Variants in LDLRAD4 observed in about 807,000 individuals in gnomAD.
LDLRAD4 encodes the protein low-density lipoprotein receptor class A domain-containing protein 4.
In LDLRAD4, 5 loss-of-function variants were observed where a neutral mutation model predicts 17.0. That is an observed-to-expected ratio of 0.29 (90% CI 0.15 to 0.62). The LOEUF (loss-of-function observed/expected upper bound fraction) is 0.62, where lower values mean the gene tolerates loss of function less well. Ranked by LOEUF, LDLRAD4 falls within the 20% of genes least tolerant of loss-of-function variation. The pLI is 0.84. For synonymous variants in LDLRAD4, 168 were observed against 171.8 expected (o/e 0.98, Z 0.17); for missense variants, 340 against 424.7 (o/e 0.80, Z 1.75).
At chr18:13,342,371 C>G (rs2082418230) in intron 1 of LDLRAD4, among the ~76,000 whole-genome samples, 1 of 150,492 alleles carries the variant, frequency 6.6e-6, no homozygotes, top group Admixed American at 6.6e-5. Context: ...CTTGGTTTTT[C>G]TTTCATAGGA....
chr18:13,501,584 CTT>C (rs11324432), intron 3 of LDLRAD4, among the ~76,000 whole-genome samples: 16 of 147,842 alleles, frequency 1.1e-4, no homozygotes, highest in South Asian at 2.2e-4. Context: ...AATTGTGTTG[CTT>C]TTTTTTTTTG....
At chr18:13,230,865 A>G (rs2145499328) in intron 1 of LDLRAD4, among the ~76,000 whole-genome samples, 1 of 152,360 alleles carries the variant, frequency 6.6e-6, no homozygotes, top group East Asian at 1.9e-4. Context: ...TGAACCCTCC[A>G]GGGCGAATCC....
intron 3 of LDLRAD4, among the ~76,000 whole-genome samples, chr18:13,620,301 C>G (rs1215516365): frequency 6.6e-6 from 1 of 152,240 alleles, no homozygotes; most frequent in Admixed American, 6.5e-5. Context: ...CTGCCTCCCC[C>G]AGATTCCTGC....
intron 1 of LDLRAD4, among the ~76,000 whole-genome samples, chr18:13,255,901 T>G (rs889950585): frequency 6.6e-6 from 1 of 152,186 alleles, no homozygotes; most frequent in Non-Finnish European, 1.5e-5. Context: ...TGATCATTGC[T>G]TTTATTGTGA....
At chr18:13,429,236 C>A (rs941672809) in intron 2 of LDLRAD4, among the ~76,000 whole-genome samples, 22 of 152,160 alleles carry the variant, frequency 1.4e-4, no homozygotes, top group Admixed American at 8.5e-4. Context: ...AGGGACCTGG[C>A]CAGGCGGTGT....
chr18:13,344,973 G>A (rs1000932193), intron 1 of LDLRAD4, among the ~76,000 whole-genome samples: 2 of 152,160 alleles, frequency 1.3e-5, no homozygotes, highest in Non-Finnish European at 1.5e-5. Flanking sequence ...AGCTTAAGGA[G>A]ATTTTGTTCT....
intron 3 of LDLRAD4, among the ~76,000 whole-genome samples, chr18:13,571,895 C>CA (rs756689522): frequency 4.2e-4 from 64 of 152,284 alleles, no homozygotes; most frequent in Non-Finnish European, 7.8e-4. Flanking sequence ...CTCAGCCTCC[C>CA]AAAGTGCTAG....
intron 1 of LDLRAD4, among the ~76,000 whole-genome samples, chr18:13,236,905 G>A (rs140935349): frequency 6.6e-6 from 1 of 152,184 alleles, no homozygotes; most frequent in Non-Finnish European, 1.5e-5. Context: ...TGGAACCAGC[G>A]TGGTTCCATC....
intron 3 of LDLRAD4, among the ~76,000 whole-genome samples, chr18:13,504,625 A>C (rs1427762296): frequency 6.6e-6 from 1 of 152,042 alleles, no homozygotes; most frequent in Admixed American, 6.5e-5. Flanking sequence ...ATGGGGTTTC[A>C]CTATGTTGGC....
At chr18:13,389,194 C>G (rs1263512445) in intron 2 of LDLRAD4, among the ~76,000 whole-genome samples, 1 of 152,220 alleles carries the variant, frequency 6.6e-6, no homozygotes, top group Non-Finnish European at 1.5e-5. Flanking sequence ...CTCATCCTTA[C>G]TGTGTGTGCT....
At chr18:13,332,835 T>G (rs2081935326) in intron 1 of LDLRAD4, among the ~76,000 whole-genome samples, 1 of 152,200 alleles carries the variant, frequency 6.6e-6, no homozygotes, top group Non-Finnish European at 1.5e-5. Context: ...TGGTAGTTAC[T>G]TCCAGGTTTT....
intron 1 of LDLRAD4, among the ~76,000 whole-genome samples, chr18:13,245,949 T>C (rs1420859926): frequency 1.3e-5 from 2 of 152,260 alleles, no homozygotes; most frequent in African/African-American, 4.8e-5. Flanking sequence ...CTCAGAGCAC[T>C]GCAGCTATTA....
intron 1 of LDLRAD4, among the ~76,000 whole-genome samples, chr18:13,346,957 A>G (rs1009159114): frequency 6.6e-6 from 1 of 152,116 alleles, no homozygotes; most frequent in African/African-American, 2.4e-5. Flanking sequence ...TTTTGAGCCT[A>G]TGTGTGTCTC....
chr18:13,384,726 A>G (rs994716356), intron 1 of LDLRAD4, among the ~76,000 whole-genome samples: 2 of 152,134 alleles, frequency 1.3e-5, no homozygotes, highest in African/African-American at 4.8e-5. Context: ...CATAAGTGAG[A>G]TCATGTAGTA....
intron 3 of LDLRAD4, among the ~76,000 whole-genome samples, chr18:13,590,804 T>C (rs892521755): frequency 6.6e-6 from 1 of 152,242 alleles, no homozygotes; most frequent in Non-Finnish European, 1.5e-5. Context: ...TTTGGGGCTT[T>C]ACATTTGTAA....
chr18:13,645,669 G>A lies in LDLRAD4; in HGVS notation c.*12G>A, dbSNP rs199621677. On this transcript the variant is annotated 3_prime_UTR_variant, in exon 6 of 6. Coordinates refer to ENST00000359446, the Ensembl canonical transcript of LDLRAD4. This position sits in a 1 kb window ranked among gnomAD's most constrained non-coding sequence, Gnocchi z 5.7. ...GGAACCTGGTCTGATTCCTTCCAAC[G>A]TGCACTTCAGCTGGAGAAAGAAACC... The A allele has an allele frequency of 1.7e-4, 252 of 1,500,808 alleles. No homozygotes were observed. In the African/African-American group the frequency reaches 2.8e-3, roughly 17 times the overall value. 93.0% of individuals were successfully genotyped at this position (1,500,808 alleles called of 1,614,324 possible).
At chr18:13,584,375 G>A (rs2094907138) in intron 3 of LDLRAD4, among the ~76,000 whole-genome samples, 1 of 152,138 alleles carries the variant, frequency 6.6e-6, no homozygotes, top group South Asian at 2.1e-4. Flanking sequence ...CCACTGCTTG[G>A]CGCTTCCTCT....
At chr18:13,536,618 T>C (rs2147889212) in intron 3 of LDLRAD4, among the ~76,000 whole-genome samples, 1 of 152,248 alleles carries the variant, frequency 6.6e-6, no homozygotes, top group Admixed American at 6.5e-5. Context: ...TCTTTTTTTT[T>C]TTACTTTACT....
chr18:13,431,131 A>G (rs1229141309), intron 2 of LDLRAD4, among the ~76,000 whole-genome samples: 2 of 152,224 alleles, frequency 1.3e-5, no homozygotes, highest in Non-Finnish European at 2.9e-5. Flanking sequence ...GTGCCTGATT[A>G]TAAAATCATA....
Sources: allele counts gnomAD v4.1 joint callset (sites outside exome capture counted in the v4.1 genomes callset), GRCh38; gene constraint gnomAD v4.1.1; non-coding constraint Gnocchi (gnomAD v3.1); transcripts MANE v1.5; gene names NCBI Gene and HGNC (gene_info 2026-07-23, HGNC 2026-07-21).